The following SLC35F1 variants were observed in gnomAD, a reference collection of about 807,000 sequenced individuals.
The protein encoded by SLC35F1 is chromosome 6 open reading frame 169.
Under a neutral mutation model 48.7 loss-of-function variants are expected in SLC35F1, and 14 were observed. That is an observed-to-expected ratio of 0.29 (90% CI 0.19 to 0.45). The LOEUF is 0.45. SLC35F1 is among the 20% of genes least tolerant of loss of function. The pLI is 1.00. For synonymous variants in SLC35F1, 190 were observed against 202.2 expected (o/e 0.94, Z 0.51); for missense variants, 404 against 500.0 (o/e 0.81, Z 1.83).
At chr6:118,122,300 T>C (rs1773563082) in intron 1 of SLC35F1, among the ~76,000 whole-genome samples, 3 of 151,652 alleles carry the variant, frequency 2.0e-5, no homozygotes, top group Admixed American at 1.3e-4. Flanking sequence ...TGTTAGCTGG[T>C]AGCACTGCAG....
chr6:118,168,240 C>T (rs113982005), intron 2 of SLC35F1, among the ~76,000 whole-genome samples: 2,574 of 152,170 alleles, frequency 0.017, 76 homozygotes, highest in African/African-American at 0.059. Flanking sequence ...GGTTGCTGGG[C>T]TTCTATGAAC....
At chr6:118,156,458 G>A (rs1774142827) in intron 2 of SLC35F1, among the ~76,000 whole-genome samples, 2 of 152,018 alleles carry the variant, frequency 1.3e-5, no homozygotes, top group Admixed American at 1.3e-4. Context: ...CTCACTCATA[G>A]GTGGGAATTG....
At chr6:118,202,892 A>G (rs1774889274) in intron 2 of SLC35F1, among the ~76,000 whole-genome samples, 1 of 152,244 alleles carries the variant, frequency 6.6e-6, no homozygotes, top group African/African-American at 2.4e-5. Context: ...AGTTCTAGCC[A>G]CATCAAGTTT....
intron 4 of SLC35F1, among the ~76,000 whole-genome samples, chr6:118,270,017 G>C (rs939873275): frequency 1.3e-5 from 2 of 152,164 alleles, no homozygotes; most frequent in Admixed American, 6.5e-5. Flanking sequence ...AACAGAGCAA[G>C]ACTCTACCTC....
intron 7 of SLC35F1, among the ~76,000 whole-genome samples, chr6:118,297,783 CAT>C (rs1487513446): frequency 5.0e-5 from 7 of 141,262 alleles, no homozygotes; most frequent in African/African-American, 1.6e-4. Flanking sequence ...TATATACACA[CAT>C]ATATTTTTTT....
At chr6:117,909,377 A>G (rs1399702415) in intron 1 of SLC35F1, among the ~76,000 whole-genome samples, 9 of 152,122 alleles carry the variant, frequency 5.9e-5, no homozygotes, top group Non-Finnish European at 4.4e-5. Flanking sequence ...ATTTCTCATC[A>G]AACTAGAAAA....
chr6:118,154,641 G>A (rs758596898), intron 2 of SLC35F1, 21 bp downstream of exon 2: 8 of 1,574,486 alleles, frequency 5.1e-6, no homozygotes, highest in Non-Finnish European at 6.9e-6. Context: ...AAAAGCACCA[G>A]GAATATAACT....
chr6:118,075,601 A>G (rs1021130104), intron 1 of SLC35F1, among the ~76,000 whole-genome samples: 7 of 152,228 alleles, frequency 4.6e-5, no homozygotes, highest in Non-Finnish European at 7.3e-5. Flanking sequence ...TTGTTTGTGC[A>G]TTAATCTTTG....
chr6:118,205,105 T>A (rs1173457657), intron 2 of SLC35F1, among the ~76,000 whole-genome samples: 3 of 152,198 alleles, frequency 2.0e-5, no homozygotes, highest in Admixed American at 6.5e-5. Flanking sequence ...CTGATGCAGC[T>A]CTGCCTGCCC....
In SLC35F1 at chr6:118,043,662, C is replaced by T. The variant is rs141501101; in HGVS notation, c.174-110783C>T. Among the ~76,000 whole-genome samples the T allele has an allele frequency of 1.6e-3, 246 of 149,574 alleles. 2 individuals carry two copies. Among genetic ancestry groups the T allele is most frequent in the African/African-American group, 5.7e-3 (234 of 41,312 alleles). On this transcript the variant is annotated intron_variant, in intron 1 of 7. Coordinates refer to ENST00000360388, the MANE Select transcript of SLC35F1 (RefSeq NM_001029858.4). ...TATTTCACTGGGCATTTTCATATGTCTGGGATGGGGAGTGTTAGACATACG... is the reference window on the plus strand; with the variant it reads ...TATTTCACTGGGCATTTTCATATGTTTGGGATGGGGAGTGTTAGACATACG...
intron 1 of SLC35F1, among the ~76,000 whole-genome samples, chr6:118,134,112 A>C (rs917013542): frequency 1.3e-4 from 20 of 152,240 alleles, no homozygotes; most frequent in Non-Finnish European, 1.5e-5. Context: ...AAGTTAATAA[A>C]GATATATCAG....
At chr6:117,922,285 A>G (rs973451270) in intron 1 of SLC35F1, among the ~76,000 whole-genome samples, 2 of 152,200 alleles carry the variant, frequency 1.3e-5, no homozygotes, top group Non-Finnish European at 2.9e-5. Flanking sequence ...AGGGAGAACA[A>G]CATTTTCTTA....
At chr6:118,147,582 G>C (rs1773993457) in intron 1 of SLC35F1, among the ~76,000 whole-genome samples, 1 of 152,150 alleles carries the variant, frequency 6.6e-6, no homozygotes, top group Admixed American at 6.5e-5. Flanking sequence ...CCCAGAGTGA[G>C]AGATATGCGC....
At chr6:118,060,049 A>T (rs983674755) in intron 1 of SLC35F1, among the ~76,000 whole-genome samples, 1 of 152,354 alleles carries the variant, frequency 6.6e-6, no homozygotes, top group East Asian at 1.9e-4. Flanking sequence ...GAGAGAAAAT[A>T]TCTTCTATTA....
At chr6:117,927,531 G>C (rs1053228630) in intron 1 of SLC35F1, among the ~76,000 whole-genome samples, 1 of 152,158 alleles carries the variant, frequency 6.6e-6, no homozygotes, top group African/African-American at 2.4e-5. Context: ...CTTATCCCTG[G>C]GAGATGCTGG....
At chr6:118,215,238 G>T (rs77555867) in intron 2 of SLC35F1, among the ~76,000 whole-genome samples, 6,557 of 152,204 alleles carry the variant, frequency 0.043, 174 homozygotes, top group Middle Eastern at 0.071. Context: ...TGGCCAGACC[G>T]CAAGGTATTG....
intron 1 of SLC35F1, among the ~76,000 whole-genome samples, chr6:117,963,582 T>A (rs1021914294): frequency 6.6e-6 from 1 of 152,204 alleles, no homozygotes; most frequent in African/African-American, 2.4e-5. Context: ...TGTTAATTGA[T>A]GCTTTTTAAA....
chr6:118,239,517 G>GA (rs1388776825), intron 3 of SLC35F1, among the ~76,000 whole-genome samples: 2 of 151,398 alleles, frequency 1.3e-5, no homozygotes, highest in African/African-American at 4.9e-5. Context: ...GTTAAGCATT[G>GA]AAAAAATTAC....
chr6:118,175,679 G>C (rs1347112157), intron 2 of SLC35F1, among the ~76,000 whole-genome samples: 1 of 151,994 alleles, frequency 6.6e-6, no homozygotes, highest in African/African-American at 2.4e-5. Flanking sequence ...AGGCATACAT[G>C]GGAACACTTC....
Sources: gnomAD v4.1 joint callset for allele counts (sites outside exome capture counted in the v4.1 genomes callset) on GRCh38, gnomAD v4.1.1 for gene constraint, MANE v1.5 for transcripts, NCBI Gene and HGNC (gene_info 2026-07-23, HGNC 2026-07-21) for gene names.